The following MBNL1 variants were observed in gnomAD, a reference collection of about 807,000 sequenced individuals.
MBNL1 encodes muscleblind-like protein 1.
A neutral mutation model predicts 42.2 loss-of-function variants in MBNL1; 8 were observed. The observed-to-expected ratio is 0.19, with a 90% CI of 0.11 to 0.34. MBNL1 has a LOEUF of 0.34. Ranked by LOEUF, MBNL1 falls within the 10% of genes least tolerant of loss-of-function variation. MBNL1 has a pLI of 1.00. For missense variants in MBNL1, 309 were observed against 495.3 expected (o/e 0.62, Z 3.57); for synonymous variants, 169 against 173.9 (o/e 0.97, Z 0.22).
At chr3:152,252,690 C>T (rs999583247) in intron 2 of MBNL1, among the ~76,000 whole-genome samples, 1 of 152,060 alleles carries the variant, frequency 6.6e-6, no homozygotes, top group Non-Finnish European at 1.5e-5. Context: ...GCTGTAGTCA[C>T]ACTGGTAGTT....
At chr3:152,386,797 G>A (rs992492554) in intron 2 of MBNL1, among the ~76,000 whole-genome samples, 3 of 151,992 alleles carry the variant, frequency 2.0e-5, no homozygotes, top group Non-Finnish European at 4.4e-5. Flanking sequence ...AATCCTTTTA[G>A]GCAACATTTT....
chr3:152,297,658 G>GT (rs1396802542), intron 1 of MBNL1, among the ~76,000 whole-genome samples: 3 of 151,252 alleles, frequency 2.0e-5, no homozygotes, highest in Non-Finnish European at 4.4e-5. Flanking sequence ...CCAGCCATGG[G>GT]TTTTTTAAAT....
At chr3:152,395,256 T>C (rs2097881655) in intron 2 of MBNL1, among the ~76,000 whole-genome samples, 1 of 152,194 alleles carries the variant, frequency 6.6e-6, no homozygotes, top group Admixed American at 6.5e-5. Context: ...GTTTAAGATT[T>C]TGTAGCAGAC....
In MBNL1 at chr3:152,396,952, T is replaced by G. The variant is rs552035014; in HGVS notation, c.175-17989T>G. 3.9e-5 allele frequency among the ~76,000 whole-genome samples: 6 copies of G among 152,294 alleles called. No homozygotes were observed. In the East Asian group the frequency reaches 5.8e-4, roughly 15 times the overall value. On this transcript the variant is annotated intron_variant, in intron 2 of 9. Coordinates refer to ENST00000324210, the MANE Select transcript of MBNL1 (RefSeq NM_021038.5). ...AAGAAAAACTCATGGGGGTATAGCA[T>G]GTTCCTAAGTGTAACATTGGGAAAA...
At chr3:152,260,461 C>T (rs1373910769) in intron 2 of MBNL1, among the ~76,000 whole-genome samples, 4 of 152,166 alleles carry the variant, frequency 2.6e-5, no homozygotes, top group African/African-American at 9.7e-5. Context: ...TATAATTTAA[C>T]TATGTTAATT....
chr3:152,365,192 G>C (rs2096275867), intron 2 of MBNL1, among the ~76,000 whole-genome samples: 3 of 151,900 alleles, frequency 2.0e-5, no homozygotes, highest in Admixed American at 2.0e-4. Flanking sequence ...AATTTCCTAA[G>C]GTGTAGTCCA....
At chr3:152,283,821 T>G (rs2049959509) in intron 1 of MBNL1, among the ~76,000 whole-genome samples, 1 of 152,204 alleles carries the variant, frequency 6.6e-6, no homozygotes, top group Non-Finnish European at 1.5e-5. Context: ...CTGTCTGGAT[T>G]TCTACAGTTT....
At chr3:152,298,522 T>C (rs1309649305) in intron 1 of MBNL1, among the ~76,000 whole-genome samples, 1 of 152,240 alleles carries the variant, frequency 6.6e-6, no homozygotes, top group African/African-American at 2.4e-5. Context: ...CTTTCTCCCT[T>C]GAGGTTGACT....
chr3:152,377,787 A>G (rs12632591), intron 2 of MBNL1, among the ~76,000 whole-genome samples: 33,463 of 152,104 alleles, frequency 0.22, 3,906 homozygotes, highest in South Asian at 0.29. Flanking sequence ...ATTGTTTCAT[A>G]ATAGGTTGAG....
intron 2 of MBNL1, among the ~76,000 whole-genome samples, chr3:152,334,137 A>C (rs760209537): frequency 1.2e-4 from 19 of 152,210 alleles, no homozygotes; most frequent in Non-Finnish European, 2.6e-4. Flanking sequence ...ACTGTGATGC[A>C]ATACTTTTAT....
At chr3:152,449,698 A>G (rs939877759) in intron 6 of MBNL1, among the ~76,000 whole-genome samples, 1 of 152,236 alleles carries the variant, frequency 6.6e-6, no homozygotes, top group African/African-American at 2.4e-5. Flanking sequence ...TAGGTTAAGC[A>G]TTGCTAATTT....
At chr3:152,276,851 A>AG (rs1188513116) in intron 1 of MBNL1, among the ~76,000 whole-genome samples, 1 of 152,134 alleles carries the variant, frequency 6.6e-6, no homozygotes, top group Non-Finnish European at 1.5e-5. Flanking sequence ...TATAGAATGA[A>AG]GTAGAGATTG....
At chr3:152,278,718 A>G (rs970804507) in intron 1 of MBNL1, among the ~76,000 whole-genome samples, 1 of 152,266 alleles carries the variant, frequency 6.6e-6, no homozygotes, top group East Asian at 1.9e-4. Context: ...TTAAAACATT[A>G]CTTTGCCATG....
At chr3:152,439,857 T>TAAG (rs1267476150) in intron 4 of MBNL1, among the ~76,000 whole-genome samples, 2 of 151,618 alleles carry the variant, frequency 1.3e-5, no homozygotes, top group African/African-American at 4.8e-5. Context: ...CAAGTAGTAA[T>TAAG]AATAATAATA....
chr3:152,407,209 C>CTTTTTTTTTTT lies in MBNL1; in HGVS notation c.175-7716_175-7706dup, dbSNP rs60509782. ...GGGATTATATCAGTGGAAATATGTT[C>CTTTTTTTTTTT]TTTTTTTTTTTTTTTTTTTTTTTTT... On this transcript the variant is annotated intron_variant, in intron 2 of 9. Transcript: ENST00000324210. Among the ~76,000 whole-genome samples, 48 of 54,358 alleles carry CTTTTTTTTTTT rather than the reference C, an allele frequency of 8.8e-4. 3 individuals are homozygous for CTTTTTTTTTTT. Among genetic ancestry groups the CTTTTTTTTTTT allele is most frequent in the African/African-American group, 1.1e-3 (19 of 17,018 alleles). 35.7% of individuals were successfully genotyped at this position (54,358 alleles called of 152,430 possible). A position where few individuals can be genotyped will look rare whatever the true frequency, so the allele number is the denominator to read the frequency against.
intron 4 of MBNL1, among the ~76,000 whole-genome samples, chr3:152,438,590 T>A (rs2099108683): frequency 6.6e-6 from 1 of 152,204 alleles, no homozygotes; most frequent in Non-Finnish European, 1.5e-5. Flanking sequence ...GAGATTAGAA[T>A]CACATGGGGT....
At chr3:152,378,618 A>C (rs962954350) in intron 2 of MBNL1, among the ~76,000 whole-genome samples, 3 of 152,184 alleles carry the variant, frequency 2.0e-5, no homozygotes, top group Non-Finnish European at 4.4e-5. Context: ...GAAATCTTCC[A>C]AGGCTTTTTA....
At chr3:152,358,698 A>G (rs933678449) in intron 2 of MBNL1, among the ~76,000 whole-genome samples, 1 of 152,170 alleles carries the variant, frequency 6.6e-6, no homozygotes, top group Non-Finnish European at 1.5e-5. Flanking sequence ...TTTCTAAAAA[A>G]GTAACTAAGG....
At chr3:152,322,633 G>C (rs188765496) in intron 2 of MBNL1, among the ~76,000 whole-genome samples, 1 of 151,990 alleles carries the variant, frequency 6.6e-6, no homozygotes, top group Non-Finnish European at 1.5e-5. Flanking sequence ...GTTATTTTAC[G>C]TGACAGTTTT....
Sources: gnomAD v4.1 joint callset for allele counts (sites outside exome capture counted in the v4.1 genomes callset) on GRCh38, gnomAD v4.1.1 for gene constraint, MANE v1.5 for transcripts, NCBI Gene and HGNC (gene_info 2026-07-23, HGNC 2026-07-21) for gene names.